The following SLC12A6 variants were observed in gnomAD, a reference collection of about 807,000 sequenced individuals.
SLC12A6 encodes solute carrier family 12 member 6.
SLC12A6 carries 66 observed loss-of-function variants against 135.3 expected under a neutral mutation model. The ratio of observed to expected loss-of-function variants is 0.49; its 90% confidence interval spans 0.40 to 0.60. SLC12A6 has a LOEUF of 0.60. Ranked by LOEUF, SLC12A6 falls within the 20% of genes least tolerant of loss-of-function variation. The pLI is 0.00. For missense variants in SLC12A6, 1,058 were observed against 1,452.3 expected (o/e 0.73, Z 4.41); for synonymous variants, 513 against 508.8 (o/e 1.01, Z -0.11).
chr15:34,326,635 A>G (rs1889474821), intron 2 of SLC12A6, among the ~76,000 whole-genome samples: 1 of 152,088 alleles, frequency 6.6e-6, no homozygotes, highest in African/African-American at 2.4e-5. Flanking sequence ...TTCTTATGCC[A>G]GATTTCTTTT....
intron 2 of SLC12A6, among the ~76,000 whole-genome samples, chr15:34,297,563 G>A (rs1334797468): frequency 6.6e-6 from 1 of 152,216 alleles, no homozygotes; most frequent in Admixed American, 6.5e-5. Flanking sequence ...CCATGGCAAA[G>A]CCAGGCCTCA....
At chr15:34,275,969 ATG>A (rs952473782) in intron 2 of SLC12A6, among the ~76,000 whole-genome samples, 38 of 152,112 alleles carry the variant, frequency 2.5e-4, no homozygotes, top group Non-Finnish European at 1.6e-4. Context: ...AGGGTATGGA[ATG>A]TTATTGCTTA....
chr15:34,292,499 C>T (rs911952695), intron 2 of SLC12A6, among the ~76,000 whole-genome samples: 2 of 152,172 alleles, frequency 1.3e-5, no homozygotes, highest in Admixed American at 1.3e-4. Context: ...AAACATCACG[C>T]TGGGAGAACC....
At chr15:34,259,072 G>A (rs1022708468) in intron 4 of SLC12A6, 128 bp from the exon 5 acceptor site, 102 of 709,798 alleles carry the variant, frequency 1.4e-4, no homozygotes, top group Admixed American at 3.3e-4. Context: ...GGGTGCAGTG[G>A]CTCACACCTG....
At chr15:34,252,792 G>C (rs1029423215) in intron 9 of SLC12A6, among the ~76,000 whole-genome samples, 1 of 152,162 alleles carries the variant, frequency 6.6e-6, no homozygotes, top group Non-Finnish European at 1.5e-5. Context: ...AAATTGTTAG[G>C]TCTAAAAGAA....
At position 34,243,055 on chromosome 15, in the gene SLC12A6, G is replaced by A. The variant is rs143473751; in HGVS notation, c.2043-834C>T. ...ATTACAGGCATGTGCCACCATGCCCGGCTACTTTTGTATTTTTAGTAGAGA... is the reference window on the plus strand; with the variant it reads ...ATTACAGGCATGTGCCACCATGCCCAGCTACTTTTGTATTTTTAGTAGAGA... On this transcript the variant is annotated intron_variant, in intron 16 of 25. Transcript: ENST00000354181. 8.0e-3 allele frequency among the ~76,000 whole-genome samples: 1,211 copies of A among 152,148 alleles called. 6 individuals carry two copies. Among genetic ancestry groups the A allele is most frequent in the Non-Finnish European group, 0.013 (859 of 67,998 alleles).
In SLC12A6 at chr15:34,336,391, GGTCT is replaced by G. The variant is rs1595597087; in HGVS notation, c.271+15_271+18del. 21 of 1,599,192 alleles carry G rather than the reference GGTCT, an allele frequency of 1.3e-5. 1 individual carries two copies. The East Asian group carries it at 4.5e-4, about 34-fold the overall frequency. ...GAACCCAGTAATGAAAGTATGCTGC[GGTCT>G]GTGTTTCTACTTACCCTCGATGACA... is the stretch of plus-strand genomic sequence containing the variant. On this transcript the variant is annotated intron_variant, in intron 2 of 25. Transcript: ENST00000354181.
intron 2 of SLC12A6, chr15:34,318,605 C>G: frequency 1.9e-6 from 3 of 1,614,024 alleles, no homozygotes; most frequent in Non-Finnish European, 2.5e-6. Flanking sequence ...GTCTGCTAAA[C>G]TAGGCTCTTG....
chr15:34,327,590 G>A (rs1057006712), intron 2 of SLC12A6, among the ~76,000 whole-genome samples: 9 of 151,970 alleles, frequency 5.9e-5, no homozygotes, highest in South Asian at 2.1e-4. Flanking sequence ...CCTGTGAGGC[G>A]GAGGCTGCAG....
intron 2 of SLC12A6, among the ~76,000 whole-genome samples, chr15:34,323,496 G>A (rs1306119631): frequency 6.6e-6 from 1 of 152,140 alleles, no homozygotes; most frequent in Non-Finnish European, 1.5e-5. Context: ...AATTCCGAGG[G>A]ATCTAAATTA....
At chr15:34,320,496 G>A (rs1457650564) in intron 2 of SLC12A6, among the ~76,000 whole-genome samples, 1 of 152,130 alleles carries the variant, frequency 6.6e-6, no homozygotes, top group Non-Finnish European at 1.5e-5. Flanking sequence ...GAAGGGTAGG[G>A]GGGAAGGAGG....
chr15:34,249,062 C>T (rs1183680039), intron 13 of SLC12A6, among the ~76,000 whole-genome samples: 1 of 152,080 alleles, frequency 6.6e-6, no homozygotes, highest in Non-Finnish European at 1.5e-5. Flanking sequence ...TTGGCAGGCT[C>T]TGAAGCAGGG....
chr15:34,235,141 A>T (rs1891166725), intron 25 of SLC12A6, 40 bp downstream of exon 25: 1 of 1,583,748 alleles, frequency 6.3e-7, no homozygotes, highest in Non-Finnish European at 8.7e-7. Context: ...GAGGTTAAGG[A>T]GATTTTCCCT....
chr15:34,243,081 CG>C (rs957882799), intron 16 of SLC12A6, among the ~76,000 whole-genome samples: 12 of 151,610 alleles, frequency 7.9e-5, no homozygotes, highest in Non-Finnish European at 1.3e-4. Flanking sequence ...TTAGTAGAGA[CG>C]GGGTTTCCCC....
intron 2 of SLC12A6, among the ~76,000 whole-genome samples, chr15:34,334,606 T>G (rs16959021): frequency 0.16 from 24,282 of 152,128 alleles, 2,069 homozygotes; most frequent in East Asian, 0.33. Context: ...TGAGAAAGTA[T>G]AAAGTTCCAC....
intron 19 of SLC12A6, 112 bp from the exon 20 acceptor site, chr15:34,239,272 A>C: frequency 1.2e-6 from 1 of 818,620 alleles, no homozygotes; most frequent in Non-Finnish European, 2.1e-6. Context: ...TCATAATACT[A>C]TATCATCTAC....
At chr15:34,284,215 G>C (rs1894877305) in intron 2 of SLC12A6, among the ~76,000 whole-genome samples, 1 of 151,656 alleles carries the variant, frequency 6.6e-6, no homozygotes, top group Non-Finnish European at 1.5e-5. Flanking sequence ...ATATCTTACG[G>C]AAAGAGAGCT....
At chr15:34,291,878 T>G (rs745396423) in intron 2 of SLC12A6, among the ~76,000 whole-genome samples, 1 of 152,060 alleles carries the variant, frequency 6.6e-6, no homozygotes, top group Non-Finnish European at 1.5e-5. Flanking sequence ...TAGTTAACCA[T>G]TTGTCCTACC....
At chr15:34,257,476 G>T in intron 6 of SLC12A6, 166 bp downstream of exon 6, 1 of 653,264 alleles carries the variant, frequency 1.5e-6, no homozygotes, top group Non-Finnish European at 2.8e-6. Flanking sequence ...AACAGGCACT[G>T]AATAACTGAA....
Sources: allele counts gnomAD v4.1 joint callset (sites outside exome capture counted in the v4.1 genomes callset), GRCh38; gene constraint gnomAD v4.1.1; transcripts MANE v1.5; gene names NCBI Gene and HGNC (gene_info 2026-07-23, HGNC 2026-07-21).